Variants in GRB14 observed in about 807,000 individuals in gnomAD.
The protein encoded by GRB14 is growth factor receptor bound protein 14.
Under a neutral mutation model 69.1 loss-of-function variants are expected in GRB14, and 38 were observed. The ratio of observed to expected loss-of-function variants is 0.55; its 90% CI spans 0.42 to 0.72. GRB14 has a LOEUF of 0.72. GRB14 is among the 30% of genes least tolerant of loss of function. GRB14 has a pLI of 0.00. For synonymous variants in GRB14, 247 were observed against 241.3 expected, an observed-to-expected ratio of 1.02 and a Z score of -0.22; for missense variants, 666 against 666.1, an observed-to-expected ratio of 1.00 and a Z score of 0.00.
chr2:164,495,777 A>ATTCT (rs980309582), intron 12 of GRB14, among the ~76,000 whole-genome samples: 1 of 152,194 alleles, frequency 6.6e-6, no homozygotes, highest in African/African-American at 2.4e-5. Context: ...TCAAGCTGTA[A>ATTCT]TTCTTTTCCC....
chr2:164,508,631 TC>T lies in GRB14; in HGVS notation c.928-82del. 2.1e-6 allele frequency: 3 copies of T among 1,462,992 alleles called. No individual in the cohort carries two copies. The South Asian group carries it at 3.5e-5, about 17-fold the overall frequency. The allele number at this position is 1,462,992 out of a possible 1,614,324, so 90.6% of individuals were successfully genotyped here. On this transcript the variant is annotated intron_variant, in intron 7 of 13. Transcript: ENST00000263915. ...GTTGAAATAAAAGCCACTAAAATTC[TC>T]CTATATATAAGAGAAAGCTGTCTCT...
At chr2:164,513,958 T>C (rs964067642) in intron 6 of GRB14, among the ~76,000 whole-genome samples, 7 of 151,970 alleles carry the variant, frequency 4.6e-5, no homozygotes, top group Non-Finnish European at 1.0e-4. Flanking sequence ...GGACATAGAC[T>C]AGACACAGAA....
intron 12 of GRB14, 147 bp downstream of exon 12, chr2:164,496,861 C>T (rs1311575340): frequency 1.6e-6 from 1 of 639,772 alleles, no homozygotes; most frequent in Non-Finnish European, 2.8e-6. Flanking sequence ...TGTTAGAATA[C>T]AGTGATGACC....
chr2:164,574,753 C>T (rs1433083713), intron 2 of GRB14, among the ~76,000 whole-genome samples: 1 of 151,800 alleles, frequency 6.6e-6, no homozygotes, highest in Non-Finnish European at 1.5e-5. Flanking sequence ...TCAGCCTGGA[C>T]AACAGAGCAA....
rs148555927 is a variant in GRB14 at position 164,570,443 on chromosome 2, A to G, written c.325-22627T>C. 7.2e-3 allele frequency among the ~76,000 whole-genome samples: 1,089 copies of G among 152,276 alleles called. 7 individuals carry two copies. Among genetic ancestry groups the G allele is most frequent in the Non-Finnish European group, 0.01 (705 of 68,016 alleles). ...CACTATTATTAAGACAGTTAAGGTC[A>G]CTGTCTCATAGTGGAATAGAGATAT... is the stretch of plus-strand genomic sequence containing the variant. On this transcript the variant is annotated intron_variant, in intron 2 of 13. Coordinates refer to ENST00000263915, the MANE Select transcript of GRB14 (RefSeq NM_004490.3).
At chr2:164,496,895 C>CTGT in intron 12 of GRB14, 113 bp downstream of exon 12, 1 of 772,914 alleles carries the variant, frequency 1.3e-6, no homozygotes, top group Non-Finnish European at 2.2e-6. Flanking sequence ...AATGTCACTT[C>CTGT]TGTTTTATGA....
chr2:164,498,765 T>C (rs1188816350), intron 9 of GRB14, among the ~76,000 whole-genome samples: 3 of 152,184 alleles, frequency 2.0e-5, no homozygotes, highest in Non-Finnish European at 4.4e-5. Context: ...TATCCACAGA[T>C]AACTATAGGA....
chr2:164,561,097 T>C (rs1454711599), intron 2 of GRB14, among the ~76,000 whole-genome samples: 1 of 152,108 alleles, frequency 6.6e-6, no homozygotes, highest in East Asian at 1.9e-4. Flanking sequence ...TTAGCCCAGC[T>C]ATTTTTAATC....
At chr2:164,501,138 T>C (rs541846564) in intron 9 of GRB14, among the ~76,000 whole-genome samples, 3 of 152,236 alleles carry the variant, frequency 2.0e-5, no homozygotes, top group African/African-American at 7.2e-5. Context: ...ATTGCTTTTA[T>C]AAAAATTCAC....
At chr2:164,543,354 A>AT (rs988308126) in intron 3 of GRB14, among the ~76,000 whole-genome samples, 22 of 152,110 alleles carry the variant, frequency 1.4e-4, no homozygotes, top group Admixed American at 6.6e-5. Context: ...CTATGAAGCC[A>AT]TAAAAAAAAG....
chr2:164,553,182 C>A (rs1688589090), intron 2 of GRB14, among the ~76,000 whole-genome samples: 2 of 152,102 alleles, frequency 1.3e-5, no homozygotes, highest in African/African-American at 4.8e-5. Context: ...TAGAGACATT[C>A]TGAAGGCTAA....
At chr2:164,581,268 T>C (rs1689397485) in intron 2 of GRB14, among the ~76,000 whole-genome samples, 1 of 152,068 alleles carries the variant, frequency 6.6e-6, no homozygotes, top group Non-Finnish European at 1.5e-5. Context: ...CTGGAAGCTG[T>C]GAATATGTAA....
At chr2:164,581,962 A>G (rs1049292504) in intron 2 of GRB14, among the ~76,000 whole-genome samples, 1 of 152,142 alleles carries the variant, frequency 6.6e-6, no homozygotes, top group Non-Finnish European at 1.5e-5. Context: ...TCAGCATCAT[A>G]TTGGCATTCT....
At chr2:164,536,344 T>A (rs1003854773) in intron 3 of GRB14, among the ~76,000 whole-genome samples, 2 of 152,222 alleles carry the variant, frequency 1.3e-5, no homozygotes, top group African/African-American at 4.8e-5. Flanking sequence ...GTGTATTTTG[T>A]CCAACTTGGG....
At chr2:164,501,869 A>G (rs1687061260) in intron 9 of GRB14, among the ~76,000 whole-genome samples, 1 of 152,162 alleles carries the variant, frequency 6.6e-6, no homozygotes, top group African/African-American at 2.4e-5. Flanking sequence ...ATATGAAACC[A>G]CAATCAAAAC....
intron 2 of GRB14, among the ~76,000 whole-genome samples, chr2:164,614,102 C>G (rs1327023343): frequency 6.6e-6 from 1 of 152,166 alleles, no homozygotes; most frequent in Non-Finnish European, 1.5e-5. Context: ...CTTTGAGAAG[C>G]GCAGCTGTAA....
At chr2:164,599,539 A>G (rs1438217392) in intron 2 of GRB14, among the ~76,000 whole-genome samples, 4 of 152,222 alleles carry the variant, frequency 2.6e-5, no homozygotes, top group Non-Finnish European at 5.9e-5. Context: ...CAGTTTGACA[A>G]AAAGAATGAC....
In GRB14 at chr2:164,492,839, A is replaced by C; in HGVS notation, c.*197T>G. On this transcript the variant is annotated 3_prime_UTR_variant, in exon 14 of 14. Coordinates refer to ENST00000263915, the MANE Select transcript of GRB14 (RefSeq NM_004490.3). ...CATTTTTTTCCTAAGGTTTAATTTT[A>C]ACTAATGAATTTTAAATGATGAATG... The C allele has an allele frequency of 2.2e-6, 1 of 459,010 alleles. No homozygotes were observed. Among genetic ancestry groups the C allele is most frequent in the Middle Eastern group, 5.6e-4 (1 of 1,776 alleles). The allele number at this position is 459,010 out of a possible 1,614,324, so 28.4% of individuals were successfully genotyped here.
rs1689551596 is a variant in GRB14 at position 164,586,876 on chromosome 2, G to T, written c.324+32811C>A. Among the ~76,000 whole-genome samples, 4 of 152,098 alleles carry T rather than the reference G, an allele frequency of 2.6e-5. No homozygotes were observed. The South Asian group carries it at 8.3e-4, about 32-fold the overall frequency. Reference sequence around the variant, plus strand: ...CAATTGATGATCAAAGATGTTAGAGGTTAACTTGCTGAAAACCACAAGGCT... The same window carrying T: ...CAATTGATGATCAAAGATGTTAGAGTTTAACTTGCTGAAAACCACAAGGCT... On this transcript the variant is annotated intron_variant, in intron 2 of 13. Transcript: ENST00000263915.
Sources: gnomAD v4.1 joint callset for allele counts (sites outside exome capture counted in the v4.1 genomes callset) on GRCh38, gnomAD v4.1.1 for gene constraint, MANE v1.5 for transcripts, NCBI Gene and HGNC (gene_info 2026-07-23, HGNC 2026-07-21) for gene names.